OXR1: variants seen among roughly 807,000 people sequenced by gnomAD.
OXR1 encodes oxidation resistance 1, also known as oxidation resistance protein 1.
OXR1 carries 41 observed loss-of-function variants against 104.6 expected under a neutral mutation model. That is an observed-to-expected ratio of 0.39 (90% CI 0.31 to 0.51). The LOEUF is 0.51. Among genes scored for constraint, OXR1 ranks in the 20% least tolerant of loss-of-function variants. OXR1 has a pLI of 0.77. For synonymous variants in OXR1, 348 were observed against 348.4 expected, an observed-to-expected ratio of 1.00 and a Z score of 0.01; for missense variants, 955 against 1,031.9, an observed-to-expected ratio of 0.93 and a Z score of 1.02.
intron 2 of OXR1, among the ~76,000 whole-genome samples, chr8:106,482,402 A>T (rs1217168252): frequency 1.9e-5 from 2 of 106,814 alleles, no homozygotes; most frequent in Non-Finnish European, 3.8e-5. Context: ...GAAGAACAAG[A>T]GTTAGGAACT....
chr8:106,662,304 T>C (rs1825842296), intron 3 of OXR1, among the ~76,000 whole-genome samples: 1 of 152,234 alleles, frequency 6.6e-6, no homozygotes, highest in Non-Finnish European at 1.5e-5. Context: ...TGTATTACAT[T>C]TTTATGACTT....
At chr8:106,642,727 T>C (rs965871511) in intron 3 of OXR1, among the ~76,000 whole-genome samples, 1 of 152,222 alleles carries the variant, frequency 6.6e-6, no homozygotes, top group Non-Finnish European at 1.5e-5. Flanking sequence ...AGCTGGATAA[T>C]GAGACATCTG....
chr8:106,689,094 G>C (rs1469059587), intron 6 of OXR1, among the ~76,000 whole-genome samples: 2 of 151,930 alleles, frequency 1.3e-5, no homozygotes, highest in African/African-American at 4.8e-5. Context: ...AAATTGGGTG[G>C]GTTACAACAA....
chr8:106,671,191 A>G (rs1403681525), intron 3 of OXR1, among the ~76,000 whole-genome samples: 1 of 151,680 alleles, frequency 6.6e-6, no homozygotes, highest in African/African-American at 2.4e-5. Context: ...TCTACCTTCA[A>G]TCATACAGCA....
chr8:106,493,551 CTTAT>C (rs1203118995), intron 2 of OXR1, among the ~76,000 whole-genome samples: 1 of 152,080 alleles, frequency 6.6e-6, no homozygotes, highest in Non-Finnish European at 1.5e-5. Context: ...TTCTTTCATG[CTTAT>C]ATTAACTAAC....
chr8:106,371,740 T>G lies in OXR1; in HGVS notation c.23+12104T>G, dbSNP rs553484981. ...TCTTGATACTGAGTTCTACTTTGAT[T>G]GTACTGTGTTCTCCAATAACTCTTC... On this transcript the variant is annotated intron_variant, in intron 2 of 16. Transcript: ENST00000517566. Among the ~76,000 whole-genome samples, 62 of 152,232 alleles carry G rather than the reference T, an allele frequency of 4.1e-4. No homozygotes were observed. The South Asian group carries it at 0.011, about 27-fold the overall frequency.
chr8:106,419,375 T>C (rs1266718192), intron 2 of OXR1, among the ~76,000 whole-genome samples: 3 of 152,160 alleles, frequency 2.0e-5, no homozygotes, highest in Non-Finnish European at 4.4e-5. Context: ...TATTGGTTTG[T>C]TCAAGGTCAC....
At chr8:106,296,026 C>T (rs1007486675) in intron 1 of OXR1, among the ~76,000 whole-genome samples, 1 of 152,166 alleles carries the variant, frequency 6.6e-6, no homozygotes, top group Non-Finnish European at 1.5e-5. Flanking sequence ...TGGCTGCTTT[C>T]TTCAATTCTT....
chr8:106,443,120 G>A (rs949537456), intron 2 of OXR1, among the ~76,000 whole-genome samples: 13 of 151,942 alleles, frequency 8.6e-5, no homozygotes, highest in Non-Finnish European at 1.3e-4. Flanking sequence ...TGTTCTCATT[G>A]GTTTCAAAGA....
intron 2 of OXR1, among the ~76,000 whole-genome samples, chr8:106,415,383 A>G (rs1818628714): frequency 6.6e-6 from 1 of 152,204 alleles, no homozygotes. Flanking sequence ...GATTTTGACT[A>G]TAAGACAACA....
chr8:106,692,057 A>C (rs1587110286), intron 6 of OXR1, among the ~76,000 whole-genome samples: 1 of 151,720 alleles, frequency 6.6e-6, no homozygotes, highest in East Asian at 1.9e-4. Flanking sequence ...TTTTTAAAAA[A>C]TGTTTTAATA....
At chr8:106,492,597 T>G (rs1811162946) in intron 2 of OXR1, among the ~76,000 whole-genome samples, 1 of 152,150 alleles carries the variant, frequency 6.6e-6, no homozygotes, top group Non-Finnish European at 1.5e-5. Flanking sequence ...TGTCTTATGT[T>G]TACCATTCCC....
At chr8:106,429,937 A>T (rs1467534110) in intron 2 of OXR1, among the ~76,000 whole-genome samples, 2 of 152,120 alleles carry the variant, frequency 1.3e-5, no homozygotes, top group Non-Finnish European at 2.9e-5. Flanking sequence ...ATTTTTCAGT[A>T]ATCTCTGTAA....
intron 3 of OXR1, among the ~76,000 whole-genome samples, chr8:106,543,272 T>G (rs1443722561): frequency 2.0e-5 from 3 of 152,216 alleles, no homozygotes; most frequent in Non-Finnish European, 4.4e-5. Context: ...TTCATCCTTT[T>G]TTTAATTCCC....
intron 1 of OXR1, among the ~76,000 whole-genome samples, chr8:106,290,560 C>A (rs1038730840): frequency 6.6e-6 from 1 of 152,044 alleles, no homozygotes; most frequent in African/African-American, 2.4e-5. Context: ...CAACAAAGGT[C>A]TAATGTCCAA....
At chr8:106,527,779 G>T (rs1813800425) in intron 3 of OXR1, among the ~76,000 whole-genome samples, 1 of 152,140 alleles carries the variant, frequency 6.6e-6, no homozygotes, top group Non-Finnish European at 1.5e-5. Context: ...AGAGTGAGTG[G>T]AATTAAGTCT....
intron 3 of OXR1, among the ~76,000 whole-genome samples, chr8:106,600,082 A>C (rs1279916745): frequency 6.6e-6 from 1 of 152,214 alleles, no homozygotes; most frequent in Non-Finnish European, 1.5e-5. Context: ...GCCAAGGGCC[A>C]GTACCAGTCT....
At chr8:106,477,518 T>G (rs1446691397) in intron 2 of OXR1, among the ~76,000 whole-genome samples, 1 of 152,002 alleles carries the variant, frequency 6.6e-6, no homozygotes, top group African/African-American at 2.4e-5. Flanking sequence ...AGTGTGTAAG[T>G]TTTAATAAAT....
intron 1 of OXR1, among the ~76,000 whole-genome samples, chr8:106,332,598 T>A (rs1188587200): frequency 6.6e-6 from 1 of 152,152 alleles, no homozygotes; most frequent in Non-Finnish European, 1.5e-5. Context: ...TTTTAAAAAA[T>A]TTGAAATATA....
Sources: gnomAD v4.1 joint callset for allele counts (sites outside exome capture counted in the v4.1 genomes callset) on GRCh38, gnomAD v4.1.1 for gene constraint, MANE v1.5 for transcripts, NCBI Gene and HGNC (gene_info 2026-07-23, HGNC 2026-07-21) for gene names.